Variants in NKAIN2 observed in about 807,000 individuals in gnomAD.
NKAIN2 encodes sodium/potassium-transporting ATPase subunit beta-1-interacting protein 2.
In NKAIN2, 14 loss-of-function variants were observed where a neutral mutation model predicts 32.6. The ratio of observed to expected loss-of-function variants is 0.43; its 90% CI spans 0.28 to 0.67. The LOEUF (loss-of-function observed/expected upper bound fraction) is 0.67. NKAIN2 is among the 30% of genes least tolerant of loss of function. NKAIN2 has a pLI of 0.17. For missense variants in NKAIN2, 198 were observed against 258.3 expected (o/e 0.77, Z 1.60); for synonymous variants, 80 against 87.2 (o/e 0.92, Z 0.46).
At chr6:124,332,653 A>G (rs1797712078) in intron 2 of NKAIN2, among the ~76,000 whole-genome samples, 1 of 152,184 alleles carries the variant, frequency 6.6e-6, no homozygotes, top group African/African-American at 2.4e-5. Flanking sequence ...AATGATACAA[A>G]AAGTAATCCC....
chr6:123,985,552 TTATAAA>T (rs1440089579), intron 1 of NKAIN2, among the ~76,000 whole-genome samples: 1 of 152,284 alleles, frequency 6.6e-6, no homozygotes, highest in South Asian at 2.1e-4. Flanking sequence ...GCAATTCTGT[TTATAAA>T]TATATGCATT....
chr6:124,213,705 GATAA>G (rs1057290135), intron 1 of NKAIN2, among the ~76,000 whole-genome samples: 2 of 152,152 alleles, frequency 1.3e-5, no homozygotes, highest in African/African-American at 4.8e-5. Context: ...AATGTGTAAT[GATAA>G]ATAATAAAAT....
intron 4 of NKAIN2, among the ~76,000 whole-genome samples, chr6:124,687,347 AATAT>A (rs1326842585): frequency 7.4e-6 from 1 of 134,630 alleles, no homozygotes; most frequent in Non-Finnish European, 1.6e-5. Flanking sequence ...ATATACATAT[AATAT>A]ATATATTCCA....
At chr6:124,364,298 T>C (rs980163678) in intron 3 of NKAIN2, among the ~76,000 whole-genome samples, 4 of 144,564 alleles carry the variant, frequency 2.8e-5, no homozygotes, top group Non-Finnish European at 6.0e-5. Context: ...AAAGATTCAA[T>C]ATGCACATTA....
At chr6:124,301,539 GCAGACACTCAACACCAGCC>G (rs1344495242) in intron 2 of NKAIN2, among the ~76,000 whole-genome samples, 1 of 152,136 alleles carries the variant, frequency 6.6e-6, no homozygotes, top group East Asian at 1.9e-4. Flanking sequence ...TGGAAAAGCT[GCAGACACTCAACACCAGCC>G]CCTGAAAGCG....
At chr6:123,892,827 G>A (rs766521454) in intron 1 of NKAIN2, among the ~76,000 whole-genome samples, 2 of 151,664 alleles carry the variant, frequency 1.3e-5, no homozygotes, top group Non-Finnish European at 2.9e-5. Context: ...ACCCCAATCT[G>A]TATTCTTGTT....
chr6:124,598,930 A>G (rs1782201447), intron 3 of NKAIN2, among the ~76,000 whole-genome samples: 1 of 152,200 alleles, frequency 6.6e-6, no homozygotes, highest in African/African-American at 2.4e-5. Flanking sequence ...TCTTTTGTTC[A>G]GAAAGAAACT....
At chr6:123,932,064 A>G (rs1776274628) in intron 1 of NKAIN2, among the ~76,000 whole-genome samples, 2 of 152,202 alleles carry the variant, frequency 1.3e-5, no homozygotes, top group Admixed American at 6.5e-5. Flanking sequence ...TAAATGCGTT[A>G]TCTTCCAGCT....
intron 1 of NKAIN2, among the ~76,000 whole-genome samples, chr6:124,229,380 T>G (rs148008474): frequency 1.4e-4 from 22 of 152,286 alleles, no homozygotes; most frequent in African/African-American, 5.1e-4. Context: ...TCACTAATCT[T>G]AATTCTAAAC....
intron 2 of NKAIN2, among the ~76,000 whole-genome samples, chr6:124,291,788 C>T (rs1387718625): frequency 1.3e-5 from 2 of 152,058 alleles, no homozygotes; most frequent in East Asian, 1.9e-4. Flanking sequence ...CCTGAAAGCC[C>T]TCAAGCCCCT....
At chr6:124,536,728 C>A (rs975585724) in intron 3 of NKAIN2, among the ~76,000 whole-genome samples, 1 of 152,194 alleles carries the variant, frequency 6.6e-6, no homozygotes, top group African/African-American at 2.4e-5. Flanking sequence ...ACCTCTCTCA[C>A]GCTTCTTTGC....
intron 3 of NKAIN2, among the ~76,000 whole-genome samples, chr6:124,537,701 C>T (rs993212450): frequency 1.3e-5 from 2 of 152,056 alleles, no homozygotes; most frequent in South Asian, 2.1e-4. Context: ...CCCTTTCATG[C>T]GTGCTCTCTC....
At chr6:124,723,948 C>T (rs951162166) in intron 4 of NKAIN2, among the ~76,000 whole-genome samples, 1 of 152,126 alleles carries the variant, frequency 6.6e-6, no homozygotes, top group African/African-American at 2.4e-5. Context: ...CTGCTTTCAG[C>T]AATTAATAAA....
chr6:124,548,669 G>A (rs921976553), intron 3 of NKAIN2, among the ~76,000 whole-genome samples: 1 of 152,144 alleles, frequency 6.6e-6, no homozygotes, highest in Non-Finnish European at 1.5e-5. Context: ...AGATTACAGA[G>A]AAAAGAAGAC....
At chr6:124,269,379 C>T (rs1253162091) in intron 1 of NKAIN2, among the ~76,000 whole-genome samples, 1 of 152,064 alleles carries the variant, frequency 6.6e-6, no homozygotes, top group Non-Finnish European at 1.5e-5. Flanking sequence ...TAAAACGTCC[C>T]TGCAGCCATC....
intron 1 of NKAIN2, among the ~76,000 whole-genome samples, chr6:124,203,914 A>G (rs966809835): frequency 6.6e-6 from 1 of 151,862 alleles, no homozygotes; most frequent in African/African-American, 2.4e-5. Context: ...TACATGTGTA[A>G]AACTGCTAAA....
chr6:124,198,059 G>A (rs1248884452), intron 1 of NKAIN2, among the ~76,000 whole-genome samples: 1 of 151,856 alleles, frequency 6.6e-6, no homozygotes, highest in African/African-American at 2.4e-5. Flanking sequence ...TTTCATTGCT[G>A]TATGTACTTG....
intron 3 of NKAIN2, among the ~76,000 whole-genome samples, chr6:124,605,068 T>C (rs112138775): frequency 1.2e-3 from 176 of 152,178 alleles, no homozygotes; most frequent in African/African-American, 4.1e-3. Flanking sequence ...TTTCATGATA[T>C]AAATGAGAAT....
chr6:124,314,763 A>G (rs1256931725), intron 2 of NKAIN2, among the ~76,000 whole-genome samples: 1 of 152,200 alleles, frequency 6.6e-6, no homozygotes, highest in Admixed American at 6.5e-5. Flanking sequence ...AACAGCTAAT[A>G]TTTCCAGCAG....
Sources: gnomAD v4.1 joint callset for allele counts (sites outside exome capture counted in the v4.1 genomes callset) on GRCh38, gnomAD v4.1.1 for gene constraint, MANE v1.5 for transcripts, NCBI Gene and HGNC (gene_info 2026-07-23, HGNC 2026-07-21) for gene names.